ENOX1: variants seen among roughly 807,000 people sequenced by gnomAD.
ENOX1 encodes candidate growth-related and time keeping constitutive hydroquinone (NADH) oxidase.
ENOX1 carries 42 observed loss-of-function variants against 82.5 expected under a neutral mutation model. That is an observed-to-expected ratio of 0.51 (90% confidence interval 0.40 to 0.66). ENOX1 has a LOEUF of 0.66. Ranked by LOEUF, ENOX1 falls within the 30% of genes least tolerant of loss-of-function variation. ENOX1 has a pLI of 0.00. For synonymous variants in ENOX1, 271 were observed against 282.2 expected, an observed-to-expected ratio of 0.96 and a Z score of 0.40; for missense variants, 608 against 811.6, an observed-to-expected ratio of 0.75 and a Z score of 3.05.
At chr13:43,366,900 A>T (rs558371202) in intron 5 of ENOX1, among the ~76,000 whole-genome samples, 2 of 152,376 alleles carry the variant, frequency 1.3e-5, no homozygotes, top group African/African-American at 4.8e-5. Flanking sequence ...CACATGGTAA[A>T]TACTCAATAA....
At chr13:43,771,614 CAGTG>C (rs1951606381) in intron 1 of ENOX1, among the ~76,000 whole-genome samples, 2 of 152,094 alleles carry the variant, frequency 1.3e-5, no homozygotes, top group East Asian at 1.9e-4. Context: ...TAAGAGGTAA[CAGTG>C]GGTTTAGAAA....
At chr13:43,560,729 A>G (rs955430599) in intron 2 of ENOX1, among the ~76,000 whole-genome samples, 6 of 152,220 alleles carry the variant, frequency 3.9e-5, no homozygotes, top group Admixed American at 6.5e-5. Flanking sequence ...AATAAGACAT[A>G]TTAAATAATA....
At chr13:43,222,308 AC>A (rs1176408300) in intron 16 of ENOX1, among the ~76,000 whole-genome samples, 2 of 148,208 alleles carry the variant, frequency 1.3e-5, no homozygotes, top group Admixed American at 6.7e-5. Flanking sequence ...TCTACCCGCC[AC>A]CCCCTCCCCG....
chr13:43,743,048 G>T lies in ENOX1; in HGVS notation c.-285+43604C>A, dbSNP rs73463503. On this transcript the variant is annotated intron_variant, in intron 1 of 16. Coordinates refer to ENST00000690772, the MANE Select transcript of ENOX1 (RefSeq NM_001347969.2). ...TTAATGTTCCTTTACAGTGAAAGAG[G>T]CTGTTTATTCACTGAAAAGAGAATG... Among the ~76,000 whole-genome samples, 214 of 152,216 alleles carry T rather than the reference G, an allele frequency of 1.4e-3. 1 individual carries two copies. The highest frequency in any genetic ancestry group is 4.7e-3 in the African/African-American group (196 of 41,526).
chr13:43,715,035 G>C (rs2088013886), intron 1 of ENOX1, among the ~76,000 whole-genome samples: 2 of 152,144 alleles, frequency 1.3e-5, no homozygotes, highest in African/African-American at 2.4e-5. Flanking sequence ...GCATGTTTTT[G>C]CAGTGGCTGG....
intron 2 of ENOX1, among the ~76,000 whole-genome samples, chr13:43,601,056 G>C (rs756063346): frequency 3.3e-5 from 5 of 152,072 alleles, no homozygotes; most frequent in Non-Finnish European, 5.9e-5. Context: ...ACCTTCCCAA[G>C]AAAGACGGGT....
At chr13:43,455,614 C>T (rs147144781) in intron 3 of ENOX1, among the ~76,000 whole-genome samples, 1 of 152,184 alleles carries the variant, frequency 6.6e-6, no homozygotes, top group East Asian at 1.9e-4. Flanking sequence ...TTCTCACCTC[C>T]ACCTCACCCC....
chr13:43,290,068 A>G (rs1254935384), intron 12 of ENOX1, among the ~76,000 whole-genome samples: 1 of 152,168 alleles, frequency 6.6e-6, no homozygotes, highest in Non-Finnish European at 1.5e-5. Context: ...AAAAAAGTCA[A>G]AAACAACAGA....
chr13:43,450,644 C>T (rs769755528), intron 3 of ENOX1, among the ~76,000 whole-genome samples: 6 of 152,000 alleles, frequency 3.9e-5, no homozygotes, highest in East Asian at 1.9e-4. Flanking sequence ...GGTATAGGGA[C>T]GGTTCCTAGT....
chr13:43,737,768 C>A (rs189655955), intron 1 of ENOX1, among the ~76,000 whole-genome samples: 37 of 152,224 alleles, frequency 2.4e-4, no homozygotes, highest in African/African-American at 8.4e-4. Context: ...TAATTTGTGA[C>A]CATCATGCAT....
At chr13:43,567,780 G>A (rs1178635908) in intron 2 of ENOX1, among the ~76,000 whole-genome samples, 1 of 152,136 alleles carries the variant, frequency 6.6e-6, no homozygotes, top group South Asian at 2.1e-4. Context: ...GATAACATGA[G>A]TCAGGATATG....
intron 1 of ENOX1, among the ~76,000 whole-genome samples, chr13:43,762,633 G>C (rs1167995843): frequency 6.6e-6 from 1 of 152,148 alleles, no homozygotes; most frequent in Non-Finnish European, 1.5e-5. Context: ...CCAGATGAAA[G>C]TTAATAATCT....
At chr13:43,762,628 T>C (rs1450193353) in intron 1 of ENOX1, among the ~76,000 whole-genome samples, 3 of 152,114 alleles carry the variant, frequency 2.0e-5, no homozygotes, top group African/African-American at 4.8e-5. Flanking sequence ...TTTCACCAGA[T>C]GAAAGTTAAT....
chr13:43,507,191 G>C (rs922284099), intron 2 of ENOX1, among the ~76,000 whole-genome samples: 1 of 151,716 alleles, frequency 6.6e-6, no homozygotes, highest in African/African-American at 2.4e-5. Context: ...AAAAGACAAA[G>C]GATATAGAGA....
intron 1 of ENOX1, among the ~76,000 whole-genome samples, chr13:43,725,530 A>G (rs2088883868): frequency 6.6e-6 from 1 of 152,122 alleles, no homozygotes; most frequent in Non-Finnish European, 1.5e-5. Context: ...GGATGCATGA[A>G]TTTTATAAAT....
chr13:43,370,796 T>C (rs2051185367), intron 5 of ENOX1, among the ~76,000 whole-genome samples: 1 of 152,170 alleles, frequency 6.6e-6, no homozygotes. Flanking sequence ...TCTATATCAT[T>C]GTCTTTTTTG....
At chr13:43,659,858 AT>A (rs2084635865) in intron 2 of ENOX1, among the ~76,000 whole-genome samples, 1 of 152,202 alleles carries the variant, frequency 6.6e-6, no homozygotes, top group South Asian at 2.1e-4. Context: ...AGGTATTGTC[AT>A]TCTTGGGATT....
chr13:43,694,034 T>C (rs2086508242), intron 1 of ENOX1, among the ~76,000 whole-genome samples: 1 of 152,180 alleles, frequency 6.6e-6, no homozygotes, highest in African/African-American at 2.4e-5. Flanking sequence ...ATGTTTACCT[T>C]AGAGCTGCTA....
chr13:43,699,465 T>C (rs570601499), intron 1 of ENOX1, among the ~76,000 whole-genome samples: 21 of 152,344 alleles, frequency 1.4e-4, no homozygotes, highest in African/African-American at 4.8e-4. Flanking sequence ...TAAAGAACTT[T>C]TCTCAGGCTT....
Sources: gnomAD v4.1 joint callset for allele counts (sites outside exome capture counted in the v4.1 genomes callset) on GRCh38, gnomAD v4.1.1 for gene constraint, MANE v1.5 for transcripts, NCBI Gene and HGNC (gene_info 2026-07-23, HGNC 2026-07-21) for gene names.